The following CDCP1 variants were observed in gnomAD, a reference collection of about 807,000 sequenced individuals.
The protein encoded by CDCP1 is CUB domain containing protein 1.
Under a neutral mutation model 60.2 loss-of-function variants are expected in CDCP1, and 29 were observed. That is an observed-to-expected ratio of 0.48 (90% CI 0.36 to 0.66). The LOEUF is 0.66. CDCP1 is among the 30% of genes least tolerant of loss of function. The pLI is 0.00. For missense variants in CDCP1, 876 were observed against 1,074.3 expected (o/e 0.82, Z 2.58); for synonymous variants, 387 against 431.1 (o/e 0.90, Z 1.27).
chr3:45,126,505 C>A (rs1311972014), intron 1 of CDCP1, among the ~76,000 whole-genome samples: 1 of 152,094 alleles, frequency 6.6e-6, no homozygotes, highest in Non-Finnish European at 1.5e-5. Context: ...CTGGTTTAGA[C>A]ACTCAAAATC....
At chr3:45,096,265 C>T (rs1043219201) in intron 4 of CDCP1, among the ~76,000 whole-genome samples, 3 of 152,132 alleles carry the variant, frequency 2.0e-5, no homozygotes, top group African/African-American at 4.8e-5. Flanking sequence ...AAACTAGAGA[C>T]CACCTTATAC....
chr3:45,108,184 C>T (rs370049850), intron 4 of CDCP1, among the ~76,000 whole-genome samples: 20 of 152,024 alleles, frequency 1.3e-4, no homozygotes, highest in African/African-American at 4.1e-4. Flanking sequence ...GGACTGGCTT[C>T]CTTGGGCTAG....
intron 4 of CDCP1, among the ~76,000 whole-genome samples, chr3:45,106,671 T>C (rs1698571959): frequency 6.6e-6 from 1 of 152,032 alleles, no homozygotes; most frequent in African/African-American, 2.4e-5. Context: ...GTGTGAAGAA[T>C]GCAAACCACC....
At chr3:45,124,668 G>A (rs1386914643) in intron 1 of CDCP1, among the ~76,000 whole-genome samples, 1 of 152,182 alleles carries the variant, frequency 6.6e-6, no homozygotes, top group Non-Finnish European at 1.5e-5. Context: ...TCCAGCAGCT[G>A]GTGTTTCCTC....
In CDCP1 at chr3:45,093,440, T is replaced by C. The variant is rs769767675; in HGVS notation, c.1464A>G (p.Ile488Met). 6.2e-6 allele frequency: 10 copies of C among 1,614,088 alleles called. No homozygotes were observed. The highest frequency in any genetic ancestry group is 7.6e-6 in the Non-Finnish European group (9 of 1,179,984). ...TSFSYLVASA[I>M]PSQDLYFGSF... ...AGCCGAAGTACAGGTCCTGGCTGGG[T>C]ATGGCACTGGCCACGAGGTAGCTGA... Residue 488 changes from isoleucine (I) to methionine (M), a missense_variant, in exon 6 of 9, where the codon ATA (isoleucine) becomes ATG (methionine). Transcript: ENST00000296129.
intron 1 of CDCP1, among the ~76,000 whole-genome samples, chr3:45,132,700 C>A (rs1416443618): frequency 6.6e-6 from 1 of 152,224 alleles, no homozygotes; most frequent in Non-Finnish European, 1.5e-5. Flanking sequence ...ATCAACTGTG[C>A]AGAGCTTTTA....
chr3:45,098,731 C>T (rs970673610), intron 4 of CDCP1, among the ~76,000 whole-genome samples: 2 of 152,074 alleles, frequency 1.3e-5, no homozygotes, highest in Admixed American at 6.6e-5. Flanking sequence ...TTTGTGTAAT[C>T]GTGACTATGT....
rs1290090520 is a variant in CDCP1 at position 45,141,491 on chromosome 3, C to T, written c.82+4715G>A. Among the ~76,000 whole-genome samples the T allele has an allele frequency of 3.9e-5, 6 of 152,100 alleles. No homozygotes were observed. In the South Asian group the frequency reaches 6.2e-4, roughly 16 times the overall value. On this transcript the variant is annotated intron_variant, in intron 1 of 8. Coordinates refer to ENST00000296129, the MANE Select transcript of CDCP1 (RefSeq NM_022842.5). ...CCACATAAAATAATGGGATGTATAG[C>T]GTTGCTTAGTGTTTTCATACAGAAT...
At chr3:45,139,057 CT>C in intron 1 of CDCP1, among the ~76,000 whole-genome samples, 1 of 152,008 alleles carries the variant, frequency 6.6e-6, no homozygotes, top group East Asian at 1.9e-4. Flanking sequence ...TTGCTGGGCT[CT>C]TTTTAACAAC....
chr3:45,088,992 C>T (rs1276371226), intron 8 of CDCP1, 62 bp downstream of exon 8: 3 of 1,287,696 alleles, frequency 2.3e-6, no homozygotes, highest in Admixed American at 1.7e-5. Context: ...GAACAATCCA[C>T]CCAGTCTGTG....
chr3:45,146,330 G>A lies in CDCP1; in HGVS notation c.-43C>T, dbSNP rs865779213. 10 of 1,508,360 alleles carry A rather than the reference G, an allele frequency of 6.6e-6. No individual in the cohort carries two copies. The highest frequency in any genetic ancestry group is 8.9e-6 in the Non-Finnish European group (10 of 1,128,430). The allele number at this position is 1,508,360 out of a possible 1,614,324, so 93.4% of individuals were successfully genotyped here. On this transcript the variant is annotated 5_prime_UTR_variant, in exon 1 of 9. Transcript: ENST00000296129. ...GCCTCGGTGGGGAAAACGACGGTGG[G>A]GAGCGGCGGCCCCAGGCGCCCAAGC...
Position 45,087,043 on chromosome 3 carries a change from T to TG in CDCP1, c.2082-977dup, listed in dbSNP as rs1222799233. On this transcript the variant is annotated intron_variant, in intron 8 of 8. Coordinates refer to ENST00000296129, the MANE Select transcript of CDCP1 (RefSeq NM_022842.5). ...CAGGAGGATGGGTTCCTAAGGCTCC[T>TG]GCCTGAAGCCCTGTAATGTTTGTCC... Among the ~76,000 whole-genome samples, 5 of 152,332 alleles carry TG rather than the reference T, an allele frequency of 3.3e-5. No individual in the cohort carries two copies. In the East Asian group the frequency reaches 9.6e-4, roughly 29 times the overall value.
chr3:45,124,739 T>C (rs917494098), intron 1 of CDCP1, among the ~76,000 whole-genome samples: 1 of 152,190 alleles, frequency 6.6e-6, no homozygotes, highest in Non-Finnish European at 1.5e-5. Context: ...GATATGCTTT[T>C]AGGGGCCAGG....
At chr3:45,133,036 A>G (rs1477101166) in intron 1 of CDCP1, among the ~76,000 whole-genome samples, 3 of 152,166 alleles carry the variant, frequency 2.0e-5, no homozygotes, top group Non-Finnish European at 4.4e-5. Context: ...TTTCCTGGAG[A>G]AAAGGAGTCG....
intron 4 of CDCP1, 144 bp from the exon 5 acceptor site, chr3:45,095,712 G>A: frequency 3.1e-6 from 2 of 636,088 alleles, no homozygotes; most frequent in East Asian, 2.7e-5. Context: ...GTATTATTAA[G>A]GCAACATTAC....
intron 4 of CDCP1, among the ~76,000 whole-genome samples, chr3:45,105,980 G>C (rs1210066406): frequency 1.3e-5 from 2 of 152,208 alleles, no homozygotes; most frequent in Non-Finnish European, 2.9e-5. Flanking sequence ...ACTGCTTACA[G>C]ATGTGGTCAC....
intron 3 of CDCP1, among the ~76,000 whole-genome samples, chr3:45,111,553 A>G (rs1360526717): frequency 6.6e-6 from 1 of 152,152 alleles, no homozygotes; most frequent in Non-Finnish European, 1.5e-5. Flanking sequence ...GCGCACGACT[A>G]TAGTCCCAGC....
In CDCP1 at chr3:45,093,521, C is replaced by A; in HGVS notation, c.1383G>T (p.Leu461=). 6.2e-7 allele frequency: 1 copy of A among 1,614,158 alleles called. No individual in the cohort carries two copies. The highest frequency in any genetic ancestry group is 8.5e-7 in the Non-Finnish European group (1 of 1,179,970). ...LVPKDRLSLV[L]VPAQKLQQHT... is the part of the protein sequence containing the mutation. ...GCTGCTGCAGCTTCTGGGCTGGCACCAGCACCAGGCTGAGCCTGTCCTTGG... is the reference window on the plus strand; with the variant it reads ...GCTGCTGCAGCTTCTGGGCTGGCACAAGCACCAGGCTGAGCCTGTCCTTGG... Residue 461 remains leucine (L), a synonymous_variant, in exon 6 of 9, where the codon CTG becomes CTT. Coordinates refer to ENST00000296129, the MANE Select transcript of CDCP1 (RefSeq NM_022842.5).
At chr3:45,146,083 G>T in intron 1 of CDCP1, 123 bp downstream of exon 1, 3 of 728,252 alleles carry the variant, frequency 4.1e-6, no homozygotes, top group Non-Finnish European at 6.2e-6. Context: ...CGCCGTCCCC[G>T]CCCTCTCTCC....
Sources: gnomAD v4.1 joint callset for allele counts (sites outside exome capture counted in the v4.1 genomes callset) on GRCh38, gnomAD v4.1.1 for gene constraint, MANE v1.5 for transcripts, NCBI Gene and HGNC (gene_info 2026-07-23, HGNC 2026-07-21) for gene names.